OPCML: variants seen among roughly 807,000 people sequenced by gnomAD.
OPCML encodes the protein opioid binding protein/cell adhesion molecule like.
A neutral mutation model predicts 37.8 loss-of-function variants in OPCML; 13 were observed. That is an observed-to-expected ratio of 0.34 (90% CI 0.22 to 0.55). OPCML has a LOEUF of 0.55. Among genes scored for constraint, OPCML ranks in the 20% least tolerant of loss-of-function variants. OPCML has a pLI of 0.91. For synonymous variants in OPCML, 176 were observed against 168.8 expected, an observed-to-expected ratio of 1.04 and a Z score of -0.33; for missense variants, 341 against 435.6, an observed-to-expected ratio of 0.78 and a Z score of 1.93.
At chr11:133,464,801 A>G (rs1307635009) in intron 1 of OPCML, among the ~76,000 whole-genome samples, 2 of 152,224 alleles carry the variant, frequency 1.3e-5, no homozygotes, top group African/African-American at 4.8e-5. Flanking sequence ...TGGTTGTACA[A>G]GAGCGGAGGC....
At chr11:133,060,619 C>T (rs969877506) in intron 1 of OPCML, among the ~76,000 whole-genome samples, 1 of 152,224 alleles carries the variant, frequency 6.6e-6, no homozygotes, top group Non-Finnish European at 1.5e-5. Context: ...CCTACTGTGG[C>T]TGCATGACAG....
At chr11:133,459,020 T>C (rs531456058) in intron 1 of OPCML, among the ~76,000 whole-genome samples, 2 of 152,088 alleles carry the variant, frequency 1.3e-5, no homozygotes, top group South Asian at 2.1e-4. Context: ...AAAAGAATTA[T>C]AAGTCTATGT....
chr11:132,535,524 A>C lies in OPCML; in HGVS notation c.380-6338T>G, dbSNP rs575819664. Among the ~76,000 whole-genome samples, 11 of 152,304 alleles carry C rather than the reference A, an allele frequency of 7.2e-5. No individual in the cohort carries two copies. In the East Asian group the frequency reaches 2.1e-3, roughly 29 times the overall value. On this transcript the variant is annotated intron_variant, in intron 3 of 7. Coordinates refer to ENST00000524381, the MANE Select transcript of OPCML (RefSeq NM_001012393.5). ...ACCCTTAGCAATGCAATAAGTAATG[A>C]TACCTCGTATGTGATGGGTGTTTGG...
chr11:132,792,179 A>G (rs1026491447), intron 2 of OPCML, among the ~76,000 whole-genome samples: 2 of 152,092 alleles, frequency 1.3e-5, no homozygotes, highest in Admixed American at 6.5e-5. Flanking sequence ...AGCGTATTCC[A>G]TCTTTACAAT....
At chr11:133,085,245 A>T (rs976558698) in intron 1 of OPCML, among the ~76,000 whole-genome samples, 1 of 152,190 alleles carries the variant, frequency 6.6e-6, no homozygotes, top group South Asian at 2.1e-4. Context: ...AGAACTACAG[A>T]TCTGCCTGGG....
intron 1 of OPCML, chr11:133,439,294 T>G (rs1591501012): frequency 8.4e-6 from 5 of 593,516 alleles, no homozygotes; most frequent in Non-Finnish European, 9.6e-6. Context: ...TAAAAGATGT[T>G]TTTTTTTTTT....
chr11:132,766,767 A>T (rs1159396853), intron 2 of OPCML, among the ~76,000 whole-genome samples: 1 of 152,148 alleles, frequency 6.6e-6, no homozygotes, highest in Non-Finnish European at 1.5e-5. Flanking sequence ...TGACAACCAG[A>T]TGCATTGTGT....
intron 1 of OPCML, among the ~76,000 whole-genome samples, chr11:132,993,708 A>T (rs1050322430): frequency 6.6e-6 from 1 of 152,082 alleles, no homozygotes; most frequent in African/African-American, 2.4e-5. Context: ...AACTGGAATC[A>T]CCCTTACCTT....
At chr11:133,004,578 C>G (rs1447557064) in intron 1 of OPCML, 1 of 985,356 alleles carries the variant, frequency 1.0e-6, no homozygotes, top group African/African-American at 1.7e-5. Flanking sequence ...CCCATGCAGG[C>G]ACTGCTGCTC....
At chr11:133,145,613 G>A (rs1219612632) in intron 1 of OPCML, among the ~76,000 whole-genome samples, 2 of 152,204 alleles carry the variant, frequency 1.3e-5, no homozygotes, top group Non-Finnish European at 2.9e-5. Context: ...GAACACAGGA[G>A]AGGCAGGACA....
intron 1 of OPCML, among the ~76,000 whole-genome samples, chr11:133,119,289 C>G (rs1340582409): frequency 6.6e-6 from 1 of 152,076 alleles, no homozygotes; most frequent in Admixed American, 6.6e-5. Flanking sequence ...TATCACTTAT[C>G]TATGTATCTG....
chr11:132,618,980 CA>C (rs1458257040), intron 3 of OPCML, among the ~76,000 whole-genome samples: 1 of 151,330 alleles, frequency 6.6e-6, no homozygotes, highest in East Asian at 2.0e-4. Context: ...CACACACACA[CA>C]CACACACACA....
At chr11:133,495,153 A>G (rs1472611828) in intron 1 of OPCML, among the ~76,000 whole-genome samples, 1 of 152,092 alleles carries the variant, frequency 6.6e-6, no homozygotes, top group Non-Finnish European at 1.5e-5. Flanking sequence ...AGAACATACA[A>G]TGTTTGGTTT....
At chr11:132,654,441 C>A (rs1941591893) in intron 3 of OPCML, among the ~76,000 whole-genome samples, 1 of 151,918 alleles carries the variant, frequency 6.6e-6, no homozygotes, top group Non-Finnish European at 1.5e-5. Flanking sequence ...GAATGTCATC[C>A]CCAAAAGAAG....
At chr11:133,524,894 G>A (rs1377487155) in intron 1 of OPCML, among the ~76,000 whole-genome samples, 14 of 152,190 alleles carry the variant, frequency 9.2e-5, no homozygotes, top group Non-Finnish European at 2.1e-4. Context: ...GGACTCAGTG[G>A]GATGGAACAG....
intron 1 of OPCML, among the ~76,000 whole-genome samples, chr11:133,341,099 G>A (rs1035957973): frequency 4.6e-4 from 70 of 152,172 alleles, no homozygotes; most frequent in African/African-American, 1.5e-3. Flanking sequence ...ACCCAGCTGC[G>A]AGCTTCTTGT....
At chr11:132,585,691 A>G (rs2096471128) in intron 3 of OPCML, among the ~76,000 whole-genome samples, 1 of 152,220 alleles carries the variant, frequency 6.6e-6, no homozygotes, top group East Asian at 1.9e-4. Flanking sequence ...ATGTACTTAG[A>G]GCCAAGAGAG....
At chr11:133,279,351 G>T (rs1942077594) in intron 1 of OPCML, among the ~76,000 whole-genome samples, 2 of 152,170 alleles carry the variant, frequency 1.3e-5, no homozygotes, top group African/African-American at 4.8e-5. Flanking sequence ...CTCTCTGAAA[G>T]CACAGAGGTA....
intron 2 of OPCML, among the ~76,000 whole-genome samples, chr11:132,937,595 G>GGT (rs58674976): frequency 0.022 from 1,981 of 88,764 alleles, 17 homozygotes; most frequent in Middle Eastern, 0.06. Context: ...GCGTGTGTGG[G>GGT]GTGTGTGTGT....
Sources: gnomAD v4.1 joint callset for allele counts (sites outside exome capture counted in the v4.1 genomes callset) on GRCh38, gnomAD v4.1.1 for gene constraint, MANE v1.5 for transcripts, NCBI Gene and HGNC (gene_info 2026-07-23, HGNC 2026-07-21) for gene names.